POLA1: variants seen among roughly 807,000 people sequenced by gnomAD.
POLA1 encodes the protein DNA polymerase alpha catalytic subunit.
In POLA1, 15 loss-of-function variants were observed where a neutral mutation model predicts 124.0. The ratio of observed to expected loss-of-function variants is 0.12; its 90% CI spans 0.08 to 0.19. The LOEUF is 0.19. POLA1 is among the 10% of genes least tolerant of loss of function. POLA1 has a pLI of 1.00. For synonymous variants in POLA1, 408 were observed against 389.4 expected (o/e 1.05, Z -0.56); for missense variants, 886 against 1,103.4 (o/e 0.80, Z 2.79).
intron 36 of POLA1, among the ~76,000 whole-genome samples, chrX:24,974,620 A>G (rs988259385): frequency 2.0e-5 from 2 of 97,968 alleles, no homozygotes; most frequent in East Asian, 3.6e-4. Context: ...ACATGGTCAC[A>G]GGAATGGGAA....
chrX:24,711,241 G>A (rs1260132481), intron 4 of POLA1, among the ~76,000 whole-genome samples: 13 of 112,150 alleles, frequency 1.2e-4, no homozygotes, highest in African/African-American at 3.9e-4. Context: ...GTTTTGCCCT[G>A]GGAAAGTGTT....
chrX:24,768,160 G>T (rs1932952772), intron 26 of POLA1, among the ~76,000 whole-genome samples: 1 of 112,408 alleles, frequency 8.9e-6, no homozygotes, highest in Admixed American at 9.4e-5. Context: ...GTATTAGTGT[G>T]TGTCATCCTG....
chrX:24,740,085 T>C (rs1254969594), intron 20 of POLA1, among the ~76,000 whole-genome samples: 1 of 111,663 alleles, frequency 9.0e-6, no homozygotes, highest in Non-Finnish European at 1.9e-5. Context: ...CCACACTCAG[T>C]GTATCTGTTT....
intron 32 of POLA1, among the ~76,000 whole-genome samples, chrX:24,827,470 T>C (rs2046190094): frequency 8.9e-6 from 1 of 112,283 alleles, no homozygotes; most frequent in African/African-American, 3.2e-5. Flanking sequence ...ACTTTGGCAA[T>C]TATAGACTTA....
Position 24,727,000 on chromosome X carries a change from C to T in POLA1, c.1460C>T (p.Thr487Ile), listed in dbSNP as rs1327160211. ...ETFSHVFGTNTSSLELFLMNR... is the reference protein window; with the variant it reads ...ETFSHVFGTNISSLELFLMNR... ...TTTTCTCATGTATTTGGGACCAACA[C>T]ATCTAGCCTGGAACTGTTCTTGATG... is the stretch of plus-strand genomic sequence containing the variant. The change falls in exon 14 of 37, where the codon ACA becomes ATA. Residue 487 changes from threonine (T) to isoleucine (I), a missense_variant. By Grantham distance (89) the Thr-to-Ile change is moderately conservative. Transcript: ENST00000379068. The T allele has an allele frequency of 1.7e-6, 2 of 1,193,759 alleles. No individual in the cohort carries two copies. The highest frequency in any genetic ancestry group is 2.3e-6 in the Non-Finnish European group (2 of 882,669).
intron 36 of POLA1, among the ~76,000 whole-genome samples, chrX:24,982,013 C>T (rs914496986): frequency 9.0e-6 from 1 of 110,897 alleles, no homozygotes; most frequent in African/African-American, 3.3e-5. Context: ...TCATCTGTGG[C>T]GCTCTTTTTA....
At position 24,769,599 on chromosome X, in the gene POLA1, A is replaced by G. The variant is rs140998127; in HGVS notation, c.2964+20607A>G. On this transcript the variant is annotated intron_variant, in intron 26 of 36. Coordinates refer to ENST00000379068, the MANE Select transcript of POLA1 (RefSeq NM_001330360.2). ...CAGAAGGAAAGACCTATCAACATCA[A>G]GGTGCCAAAGTTACAAGCCTCTGGC... 4.6e-3 allele frequency among the ~76,000 whole-genome samples: 516 copies of G among 111,854 alleles called. 2 individuals carry two copies. The highest frequency in any genetic ancestry group is 0.015 in the African/African-American group (473 of 30,747).
At chrX:24,962,544 C>T (rs2048179810) in intron 36 of POLA1, among the ~76,000 whole-genome samples, 1 of 111,692 alleles carries the variant, frequency 9.0e-6, no homozygotes, top group South Asian at 3.7e-4. Context: ...ACTTTGCGTA[C>T]ATTTTGTTTA....
In POLA1 at chrX:24,789,039, C is replaced by T. The variant is rs377097365; in HGVS notation, c.2965-20859C>T. 1.7e-5 allele frequency: 21 copies of T among 1,207,519 alleles called. No homozygotes were observed. The Middle Eastern group carries it at 8.2e-4, about 47-fold the overall frequency. ...AGGTAATCGTTGAGCACCTGGAGGC[C>T]GGCGGGGCTTTTCAGGTCTCTGAAA... On this transcript the variant is annotated intron_variant, in intron 26 of 36. Coordinates refer to ENST00000379068, the MANE Select transcript of POLA1 (RefSeq NM_001330360.2).
rs774960816 is a variant in POLA1, at chrX:24,995,056, C to CA, written c.4262-736dup. Reference sequence around the variant, plus strand: ...GGGCAACAAGAGCAAACCTCTGTCTCAAAAAAAAAAAAAGAAAGAAAAAAA... The same window carrying CA: ...GGGCAACAAGAGCAAACCTCTGTCTCAAAAAAAAAAAAAAGAAAGAAAAAAA... On this transcript the variant is annotated intron_variant, in intron 36 of 36. Coordinates refer to ENST00000379068, the MANE Select transcript of POLA1 (RefSeq NM_001330360.2). 8.3e-3 allele frequency among the ~76,000 whole-genome samples: 639 copies of CA among 76,619 alleles called. 7 individuals carry two copies. Among genetic ancestry groups the CA allele is most frequent in the African/African-American group, 0.022 (448 of 20,651 alleles). The allele number at this position is 76,619 out of a possible 115,157, so 66.5% of individuals were successfully genotyped here. A position where few individuals can be genotyped will look rare whatever the true frequency, so the allele number is the denominator to read the frequency against.
At chrX:24,888,215 T>C in intron 35 of POLA1, 93 bp downstream of exon 35, 1 of 540,693 alleles carries the variant, frequency 1.8e-6, no homozygotes, top group South Asian at 2.7e-5. Flanking sequence ...CCTATGAAGA[T>C]GCCCTACTAC....
At chrX:24,907,365 G>A (rs767340014) in intron 35 of POLA1, among the ~76,000 whole-genome samples, 5 of 111,119 alleles carry the variant, frequency 4.5e-5, no homozygotes, top group Non-Finnish European at 9.4e-5. Flanking sequence ...AATAATATTT[G>A]AAACGTCCTG....
At chrX:24,864,139 G>T (rs1028596566) in intron 34 of POLA1, among the ~76,000 whole-genome samples, 25 of 109,766 alleles carry the variant, frequency 2.3e-4, no homozygotes, top group African/African-American at 7.6e-4. Flanking sequence ...CTACCACCAC[G>T]CCTGGCTAAT....
At position 24,773,240 on chromosome X, in the gene POLA1, T is replaced by G. The variant is rs1174530199; in HGVS notation, c.2964+24248T>G. 2.7e-5 allele frequency among the ~76,000 whole-genome samples: 3 copies of G among 112,555 alleles called. No individual in the cohort carries two copies. The East Asian group carries it at 8.3e-4, about 31-fold the overall frequency. On this transcript the variant is annotated intron_variant, in intron 26 of 36. Transcript: ENST00000379068. ...CAGATAGAATCAGGGATCTCTTGTT[T>G]GCAGAACAACTATACTCTGGAAAGG...
At chrX:24,950,625 C>T (rs1346528204) in intron 36 of POLA1, among the ~76,000 whole-genome samples, 1 of 112,049 alleles carries the variant, frequency 8.9e-6, no homozygotes, top group African/African-American at 3.2e-5. Flanking sequence ...CTTAGATTGC[C>T]TTCCATAAAG....
At chrX:24,981,432 A>G (rs1329136330) in intron 36 of POLA1, among the ~76,000 whole-genome samples, 1 of 112,635 alleles carries the variant, frequency 8.9e-6, no homozygotes, top group Non-Finnish European at 1.9e-5. Flanking sequence ...TTGCTGTAGC[A>G]TAGCAAAGCT....
intron 10 of POLA1, among the ~76,000 whole-genome samples, chrX:24,722,742 A>G (rs1317990620): frequency 9.0e-6 from 1 of 111,689 alleles, no homozygotes; most frequent in Non-Finnish European, 1.9e-5. Context: ...TTCTTGAGAC[A>G]GGGTTTTGCT....
At position 24,695,057 on chromosome X, in the gene POLA1, A is replaced by G. The variant is rs1244611816; in HGVS notation, c.43+1053A>G. 6.2e-5 allele frequency among the ~76,000 whole-genome samples: 7 copies of G among 112,139 alleles called. No individual in the cohort carries two copies. In the Middle Eastern group the frequency reaches 0.014, roughly 222 times the overall value. On this transcript the variant is annotated intron_variant, in intron 1 of 36. Coordinates refer to ENST00000379068, the MANE Select transcript of POLA1 (RefSeq NM_001330360.2). ...CTTCATCCTAAAAACTACGTCATCT[A>G]TGAACATCAGGAAATCACTTTGGAG...
chrX:24,714,716 G>T (rs1929709925), intron 5 of POLA1, 47 bp downstream of exon 5: 1 of 740,368 alleles, frequency 1.4e-6, no homozygotes, highest in Non-Finnish European at 2.0e-6. Context: ...TTTGTGAGGT[G>T]AATTTAATAT....
Sources: allele counts gnomAD v4.1 joint callset (sites outside exome capture counted in the v4.1 genomes callset), GRCh38; gene constraint gnomAD v4.1.1; transcripts MANE v1.5; gene names NCBI Gene and HGNC (gene_info 2026-07-23, HGNC 2026-07-21).